Variants in RBFOX1 observed in about 807,000 individuals in gnomAD.
RBFOX1 encodes RNA binding protein fox-1 homolog 1.
In RBFOX1, 8 loss-of-function variants were observed where a neutral mutation model predicts 57.7. The ratio of observed to expected loss-of-function variants is 0.14; its 90% confidence interval spans 0.08 to 0.25. RBFOX1 has a LOEUF of 0.25. RBFOX1 is among the 10% of genes least tolerant of loss of function. The probability of loss-of-function intolerance (pLI) is 1.00; values close to 1 mark genes in which losing one functional copy is unlikely to be tolerated. For missense variants in RBFOX1, 611 were observed against 548.5 expected (o/e 1.11, Z -1.14); for synonymous variants, 326 against 222.4 (o/e 1.47, Z -4.15).
intron 4 of RBFOX1, among the ~76,000 whole-genome samples, chr16:5,894,224 T>G (rs1363951395): frequency 1.3e-5 from 2 of 152,254 alleles, no homozygotes; most frequent in African/African-American, 4.8e-5. Context: ...TTTACTTATT[T>G]TTTAAATTGA....
intron 4 of RBFOX1, among the ~76,000 whole-genome samples, chr16:7,334,035 C>G (rs759565263): frequency 6.6e-6 from 1 of 152,292 alleles, no homozygotes; most frequent in South Asian, 2.1e-4. Context: ...CTCCCTCTGT[C>G]CCCTCCAGCC....
chr16:6,418,979 C>G (rs1202579845), intron 2 of RBFOX1, among the ~76,000 whole-genome samples: 1 of 152,192 alleles, frequency 6.6e-6, no homozygotes, highest in Non-Finnish European at 1.5e-5. Flanking sequence ...TATGTATGGG[C>G]TTGGAAACTT....
intron 4 of RBFOX1, among the ~76,000 whole-genome samples, chr16:5,936,164 C>G (rs566383187): frequency 6.6e-6 from 1 of 152,214 alleles, no homozygotes; most frequent in East Asian, 1.9e-4. Flanking sequence ...CACTCTGTCA[C>G]CCAGGCTGGA....
chr16:6,814,392 C>T (rs577476016), intron 3 of RBFOX1, among the ~76,000 whole-genome samples: 14 of 152,274 alleles, frequency 9.2e-5, no homozygotes, highest in African/African-American at 2.9e-4. Context: ...TCCATCCATT[C>T]TTACGGTAAA....
intron 3 of RBFOX1, among the ~76,000 whole-genome samples, chr16:6,958,082 T>C (rs1427702602): frequency 2.0e-5 from 3 of 151,232 alleles, no homozygotes; most frequent in Admixed American, 6.6e-5. Flanking sequence ...TCATGGATGT[T>C]AAAGGCAGCG....
intron 2 of RBFOX1, among the ~76,000 whole-genome samples, chr16:6,379,812 C>T (rs1417149717): frequency 2.0e-5 from 3 of 151,686 alleles, no homozygotes; most frequent in African/African-American, 7.3e-5. Context: ...TTTTGTTGTG[C>T]AAGAAGGGGG....
chr16:5,950,666 C>G (rs189470996), intron 4 of RBFOX1, among the ~76,000 whole-genome samples: 5 of 152,202 alleles, frequency 3.3e-5, no homozygotes, highest in Non-Finnish European at 7.3e-5. Flanking sequence ...CTTACCTGGC[C>G]AAGCTCTTCT....
At chr16:6,405,569 A>G (rs2093250032) in intron 2 of RBFOX1, among the ~76,000 whole-genome samples, 1 of 152,192 alleles carries the variant, frequency 6.6e-6, no homozygotes, top group South Asian at 2.1e-4. Context: ...CCTTGGTCAG[A>G]ACTAGTGAAA....
At position 5,967,740 on chromosome 16, in the gene RBFOX1, A is replaced by G. The variant is rs193049769; in HGVS notation, c.351+100405A>G. On this transcript the variant is annotated intron_variant, in intron 4 of 19. Transcript: ENST00000641259. ...ACACAGGATGTTATATAATTAGGAT[A>G]TTCCCAAATTATGTGATTGCTTCAA... 3.3e-3 allele frequency among the ~76,000 whole-genome samples: 502 copies of G among 152,316 alleles called. 2 individuals are homozygous for G. Among genetic ancestry groups the G allele is most frequent in the African/African-American group, 0.012 (487 of 41,572 alleles).
At chr16:5,710,594 CTG>C (rs1456204915) in intron 3 of RBFOX1, among the ~76,000 whole-genome samples, 1 of 152,182 alleles carries the variant, frequency 6.6e-6, no homozygotes, top group African/African-American at 2.4e-5. Flanking sequence ...GGCTCACGTC[CTG>C]TGATTGTTGT....
chr16:7,217,975 TGTGTGC>T (rs780809180), intron 4 of RBFOX1, among the ~76,000 whole-genome samples: 1 of 151,640 alleles, frequency 6.6e-6, no homozygotes, highest in Non-Finnish European at 1.5e-5. Context: ...TGTGTCTGCG[TGTGTGC>T]ATGTGCATGT....
Position 5,696,689 on chromosome 16 carries a change from T to C in RBFOX1, c.318+97728T>C, listed in dbSNP as rs1187699887. On this transcript the variant is annotated intron_variant, in intron 3 of 19. Coordinates refer to the RBFOX1 transcript ENST00000641259. ...TATTATAATTTTGATATGAATTGCA[T>C]GGAATTCAAATACTTGAGGAGAGTT... Among the ~76,000 whole-genome samples, 4 of 152,214 alleles carry C rather than the reference T, an allele frequency of 2.6e-5. No individual in the cohort carries two copies. The South Asian group carries it at 8.3e-4, about 31-fold the overall frequency.
At chr16:5,738,624 G>T (rs2052664584) in intron 3 of RBFOX1, among the ~76,000 whole-genome samples, 1 of 111,484 alleles carries the variant, frequency 9.0e-6, no homozygotes, top group African/African-American at 3.2e-5. Context: ...ACAGAGCAAG[G>T]CTCTGTCTCA....
chr16:6,366,096 T>C (rs989718451), intron 2 of RBFOX1, among the ~76,000 whole-genome samples: 6 of 151,432 alleles, frequency 4.0e-5, no homozygotes, highest in African/African-American at 1.5e-4. Flanking sequence ...TGTGTGTGTG[T>C]GTGTGTGTGT....
At chr16:5,813,073 T>C (rs1488165062) in intron 3 of RBFOX1, among the ~76,000 whole-genome samples, 4 of 150,634 alleles carry the variant, frequency 2.7e-5, no homozygotes, top group African/African-American at 9.8e-5. Flanking sequence ...AGTGGTGCAA[T>C]CTTGGCTCAC....
intron 4 of RBFOX1, among the ~76,000 whole-genome samples, chr16:7,195,822 G>C (rs1005367780): frequency 6.6e-6 from 1 of 152,098 alleles, no homozygotes; most frequent in Non-Finnish European, 1.5e-5. Context: ...CAAAGTGCTG[G>C]GGTTACAGGC....
chr16:7,486,197 G>A (rs555028300), intron 4 of RBFOX1, among the ~76,000 whole-genome samples: 28 of 135,730 alleles, frequency 2.1e-4, no homozygotes, highest in Admixed American at 7.9e-4. Flanking sequence ...ATCTCAGCTC[G>A]CTGCAACCTC....
At chr16:5,681,878 G>T (rs2050350375) in intron 3 of RBFOX1, among the ~76,000 whole-genome samples, 1 of 152,154 alleles carries the variant, frequency 6.6e-6, no homozygotes, top group Non-Finnish European at 1.5e-5. Context: ...GAAGAAGAGT[G>T]AATATGAGTG....
At chr16:6,504,133 A>G (rs2096021255) in intron 2 of RBFOX1, among the ~76,000 whole-genome samples, 1 of 152,154 alleles carries the variant, frequency 6.6e-6, no homozygotes, top group African/African-American at 2.4e-5. Context: ...CAGTAGTCAT[A>G]TACCTCTAGT....
Sources: gnomAD v4.1 joint callset for allele counts (sites outside exome capture counted in the v4.1 genomes callset) on GRCh38, gnomAD v4.1.1 for gene constraint, MANE v1.5 for transcripts, NCBI Gene and HGNC (gene_info 2026-07-23, HGNC 2026-07-21) for gene names.